Variants in CYTH3 observed in about 807,000 individuals in gnomAD.
CYTH3 encodes cytohesin-3.
In CYTH3, 23 loss-of-function variants were observed where a neutral mutation model predicts 55.1. That is an observed-to-expected ratio of 0.42 (90% CI 0.30 to 0.59). CYTH3 has a LOEUF of 0.59. Among genes scored for constraint, CYTH3 ranks in the 20% least tolerant of loss-of-function variants. CYTH3 has a pLI of 0.20. For missense variants in CYTH3, 413 were observed against 524.8 expected (o/e 0.79, Z 2.08); for synonymous variants, 249 against 194.9 (o/e 1.28, Z -2.31).
chr7:6,173,167 G>A (rs1783247306), intron 6 of CYTH3: 6 of 668,110 alleles, frequency 9.0e-6, no homozygotes, highest in Non-Finnish European at 1.1e-5. Context: ...TGCTTGCAGA[G>A]CAGGAGGAAG....
intron 1 of CYTH3, among the ~76,000 whole-genome samples, chr7:6,201,461 T>A (rs148383754): frequency 6.6e-6 from 1 of 152,228 alleles, no homozygotes; most frequent in African/African-American, 2.4e-5. Context: ...CCAGCCTTCT[T>A]TGGATTAGGT....
At chr7:6,205,821 C>T (rs1159242515) in intron 1 of CYTH3, among the ~76,000 whole-genome samples, 1 of 126,106 alleles carries the variant, frequency 7.9e-6, no homozygotes, top group South Asian at 2.6e-4. Flanking sequence ...CTGCAGTGAG[C>T]TATGATCGGG....
intron 6 of CYTH3, chr7:6,172,745 T>C: frequency 1.6e-6 from 2 of 1,236,720 alleles, no homozygotes; most frequent in South Asian, 1.4e-5. Flanking sequence ...CCTGCACCCT[T>C]CTCTGGATGT....
At chr7:6,174,651 G>C (rs28661918) in intron 5 of CYTH3, among the ~76,000 whole-genome samples, 1 of 148,582 alleles carries the variant, frequency 6.7e-6, no homozygotes, top group Non-Finnish European at 1.5e-5. Context: ...GGGTTCAAGC[G>C]ATACTCCTGT....
At chr7:6,198,703 A>G (rs1783994141) in intron 1 of CYTH3, among the ~76,000 whole-genome samples, 1 of 152,006 alleles carries the variant, frequency 6.6e-6, no homozygotes, top group Admixed American at 6.6e-5. Context: ...ATATATGGAT[A>G]TGGTTACACA....
chr7:6,221,143 G>C (rs1784541758), intron 1 of CYTH3, among the ~76,000 whole-genome samples: 1 of 152,058 alleles, frequency 6.6e-6, no homozygotes, highest in African/African-American at 2.4e-5. Flanking sequence ...TCCTAAGACT[G>C]GAAACAACCA....
At chr7:6,217,402 T>A (rs911834533) in intron 1 of CYTH3, among the ~76,000 whole-genome samples, 1 of 151,992 alleles carries the variant, frequency 6.6e-6, no homozygotes, top group African/African-American at 2.4e-5. Context: ...ATGCAAACAT[T>A]AATAAAAAGA....
At chr7:6,245,346 G>A (rs1779782125) in intron 1 of CYTH3, among the ~76,000 whole-genome samples, 1 of 151,906 alleles carries the variant, frequency 6.6e-6, no homozygotes, top group Non-Finnish European at 1.5e-5. Flanking sequence ...TTCTTTTTCT[G>A]AAAGAGGGCC....
At chr7:6,191,551 T>A (rs1783804453) in intron 1 of CYTH3, among the ~76,000 whole-genome samples, 1 of 150,404 alleles carries the variant, frequency 6.6e-6, no homozygotes, top group African/African-American at 2.4e-5. Flanking sequence ...TAGAAGTAAA[T>A]ACAGGAGAAT....
intron 1 of CYTH3, among the ~76,000 whole-genome samples, chr7:6,251,126 T>C (rs1779950505): frequency 6.6e-6 from 1 of 151,966 alleles, no homozygotes; most frequent in Non-Finnish European, 1.5e-5. Context: ...AATAGAAAAA[T>C]TAGCTGGACG....
In CYTH3 at chr7:6,164,717, G is replaced by A. The variant is rs1002921936; in HGVS notation, c.*227C>T. ...CAGGAGGCCTCGAGGATCAGTCTGG[G>A]CCACGGTACGCTCTGGAGCAGCAGC... On this transcript the variant is annotated 3_prime_UTR_variant, in exon 13 of 13. Coordinates refer to ENST00000350796, the MANE Select transcript of CYTH3 (RefSeq NM_004227.4). 1 of 614,398 alleles carries A rather than the reference G, an allele frequency of 1.6e-6. No homozygotes were observed. The highest frequency in any genetic ancestry group is 1.8e-5 in the African/African-American group (1 of 54,382). 38.1% of individuals were successfully genotyped at this position (614,398 alleles called of 1,614,324 possible). A position where few individuals can be genotyped will look rare whatever the true frequency, so the allele number is the denominator to read the frequency against.
intron 1 of CYTH3, among the ~76,000 whole-genome samples, chr7:6,239,704 T>C (rs1180038362): frequency 6.6e-6 from 1 of 152,204 alleles, no homozygotes; most frequent in African/African-American, 2.4e-5. Flanking sequence ...GAGAAATCAA[T>C]AGCTTTCATA....
At chr7:6,253,121 A>C (rs768318892) in intron 1 of CYTH3, among the ~76,000 whole-genome samples, 9 of 152,332 alleles carry the variant, frequency 5.9e-5, no homozygotes, top group East Asian at 1.9e-4. Flanking sequence ...TGAAGCACTT[A>C]TCAATTCTGC....
chr7:6,173,019 C>T, intron 6 of CYTH3: 1 of 1,079,486 alleles, frequency 9.3e-7, no homozygotes, highest in Non-Finnish European at 1.1e-6. Flanking sequence ...CAAGGGCCGG[C>T]TGAGGCGACT....
intron 1 of CYTH3, among the ~76,000 whole-genome samples, chr7:6,241,289 C>G (rs550972278): frequency 5.9e-5 from 9 of 152,238 alleles, no homozygotes; most frequent in Non-Finnish European, 1.2e-4. Flanking sequence ...CAAAGACCTT[C>G]GAGAATTTGA....
chr7:6,259,784 A>ATTATATAT lies in CYTH3; in HGVS notation c.34+12689_34+12690insATATATAA, dbSNP rs1491413119. On this transcript the variant is annotated intron_variant, in intron 1 of 12. Transcript: ENST00000350796. ...ATATATATATATATTATATATATAT[A>ATTATATAT]ATATATATATATATATATATATATA... Among the ~76,000 whole-genome samples the ATTATATAT allele has an allele frequency of 2.9e-4, 6 of 20,948 alleles. No individual in the cohort carries two copies. The African/African-American group carries it at 3.0e-3, about 10-fold the overall frequency. 13.7% of individuals were successfully genotyped at this position (20,948 alleles called of 152,430 possible).
chr7:6,254,098 C>T (rs949039732), intron 1 of CYTH3, among the ~76,000 whole-genome samples: 2 of 152,110 alleles, frequency 1.3e-5, no homozygotes, highest in South Asian at 2.1e-4. Flanking sequence ...AGGAGAATCA[C>T]GTGAACCCGG....
At chr7:6,245,059 T>C (rs1315276575) in intron 1 of CYTH3, among the ~76,000 whole-genome samples, 3 of 139,768 alleles carry the variant, frequency 2.1e-5, no homozygotes, top group Non-Finnish European at 4.5e-5. Context: ...GACCTCATGA[T>C]CCACCCGCCC....
intron 4 of CYTH3, among the ~76,000 whole-genome samples, chr7:6,184,251 G>A (rs1305131940): frequency 6.6e-6 from 1 of 151,478 alleles, no homozygotes; most frequent in Non-Finnish European, 1.5e-5. Context: ...CAGTAGAAAC[G>A]GGGTTTCACT....
Sources: gnomAD v4.1 joint callset for allele counts (sites outside exome capture counted in the v4.1 genomes callset) on GRCh38, gnomAD v4.1.1 for gene constraint, MANE v1.5 for transcripts, NCBI Gene and HGNC (gene_info 2026-07-23, HGNC 2026-07-21) for gene names.